LRRIQ1: variants seen among roughly 807,000 people sequenced by gnomAD.
LRRIQ1 encodes leucine-rich repeat- and IQ domain-containing protein 1.
A neutral mutation model predicts 211.9 loss-of-function variants in LRRIQ1; 210 were observed. The observed-to-expected ratio is 0.99, with a 90% CI of 0.89 to 1.11. The LOEUF is 1.11. LRRIQ1 is among the 50% of genes most tolerant of loss of function. The probability of loss-of-function intolerance (pLI) is 0.00; values close to 1 mark genes in which losing one functional copy is unlikely to be tolerated. For missense variants in LRRIQ1, 2,136 were observed against 1,939.5 expected (o/e 1.10, Z -1.90); for synonymous variants, 699 against 650.1 (o/e 1.08, Z -1.14).
At chr12:85,227,319 C>T (rs1182456919) in intron 24 of LRRIQ1, among the ~76,000 whole-genome samples, 1 of 152,010 alleles carries the variant, frequency 6.6e-6, no homozygotes, top group Non-Finnish European at 1.5e-5. Flanking sequence ...TACATGTGCA[C>T]AATGTGCAGG....
intron 8 of LRRIQ1, among the ~76,000 whole-genome samples, chr12:85,058,777 A>G (rs1234000258): frequency 6.6e-6 from 1 of 152,000 alleles, no homozygotes; most frequent in Non-Finnish European, 1.5e-5. Context: ...TTCTGATTCA[A>G]TAGGTCTGGT....
chr12:85,120,412 A>G (rs184095910), intron 15 of LRRIQ1, among the ~76,000 whole-genome samples: 3 of 152,324 alleles, frequency 2.0e-5, no homozygotes, highest in Admixed American at 1.3e-4. Context: ...CACCAATACC[A>G]TACTGTCTCT....
At chr12:85,079,349 G>A (rs999117124) in intron 11 of LRRIQ1, among the ~76,000 whole-genome samples, 7 of 150,218 alleles carry the variant, frequency 4.7e-5, no homozygotes, top group Admixed American at 6.7e-5. Flanking sequence ...AGCCTCTTGG[G>A]TAGATGGGAT....
At chr12:85,153,914 G>C (rs929660769) in intron 22 of LRRIQ1, 98 bp from the exon 23 acceptor site, 1 of 963,138 alleles carries the variant, frequency 1.0e-6, no homozygotes, top group Non-Finnish European at 1.5e-6. Flanking sequence ...ATTTATTTTA[G>C]TATGCTATAA....
At chr12:85,218,728 A>G (rs1894266821) in intron 24 of LRRIQ1, among the ~76,000 whole-genome samples, 1 of 152,060 alleles carries the variant, frequency 6.6e-6, no homozygotes, top group Non-Finnish European at 1.5e-5. Flanking sequence ...ATGGGAAAAA[A>G]TCATAAATTC....
intron 26 of LRRIQ1, among the ~76,000 whole-genome samples, chr12:85,238,226 G>GA (rs1174730596): frequency 6.6e-6 from 1 of 151,700 alleles, no homozygotes; most frequent in Non-Finnish European, 1.5e-5. Context: ...GGCAGAGAGA[G>GA]AAAAAATAAC....
chr12:85,158,770 A>T (rs540130055), intron 23 of LRRIQ1, among the ~76,000 whole-genome samples: 5 of 151,974 alleles, frequency 3.3e-5, no homozygotes, highest in Non-Finnish European at 7.4e-5. Context: ...GTTGATTACC[A>T]CAGAGGAGTA....
chr12:85,202,888 G>A (rs1893365337), intron 24 of LRRIQ1, among the ~76,000 whole-genome samples: 1 of 151,982 alleles, frequency 6.6e-6, no homozygotes, highest in African/African-American at 2.4e-5. Context: ...ACTGGCCTAT[G>A]TACTTAAGTG....
chr12:85,176,259 T>C (rs1891693333), intron 24 of LRRIQ1, among the ~76,000 whole-genome samples: 1 of 152,088 alleles, frequency 6.6e-6, no homozygotes, highest in Admixed American at 6.6e-5. Flanking sequence ...TTTGATTCTC[T>C]TTGAAGCAAT....
At chr12:85,174,952 A>T (rs1424113689) in intron 24 of LRRIQ1, among the ~76,000 whole-genome samples, 1 of 152,076 alleles carries the variant, frequency 6.6e-6, no homozygotes, top group Non-Finnish European at 1.5e-5. Flanking sequence ...CAAAAGGAAG[A>T]CCAGATCTCT....
chr12:85,056,577 A>AT lies in LRRIQ1; in HGVS notation c.1785dup (p.Gly596TrpfsTer5). The AT allele has an allele frequency of 6.3e-7, 1 of 1,598,426 alleles. No individual in the cohort carries two copies. The highest frequency in any genetic ancestry group is 1.1e-5 in the South Asian group (1 of 88,278). On this transcript the variant is annotated frameshift_variant, in exon 8 of 27. Transcript: ENST00000393217. LOFTEE classifies it high-confidence loss of function. ...GAAAAAGAAGAGATACAAGAACAGA[A>AT]TGGATTATTATATAAAGATAAGGAT...
At chr12:85,040,399 C>T in intron 2 of LRRIQ1, 91 bp from the exon 3 acceptor site, 1 of 602,998 alleles carries the variant, frequency 1.7e-6, no homozygotes, top group Non-Finnish European at 2.8e-6. Flanking sequence ...GTTTTGGTCA[C>T]ATTTTTGCTG....
intron 24 of LRRIQ1, among the ~76,000 whole-genome samples, chr12:85,203,897 G>T (rs1234579189): frequency 1.3e-5 from 2 of 152,166 alleles, no homozygotes; most frequent in South Asian, 4.1e-4. Context: ...GCAGAAATTT[G>T]CATGAGTAAC....
intron 7 of LRRIQ1, among the ~76,000 whole-genome samples, chr12:85,053,215 G>A (rs1880541317): frequency 6.6e-6 from 1 of 152,014 alleles, no homozygotes; most frequent in East Asian, 1.9e-4. Flanking sequence ...TATAAAATTT[G>A]TATCATATCT....
chr12:85,192,945 A>T (rs11116739), intron 24 of LRRIQ1, among the ~76,000 whole-genome samples: 1 of 90,288 alleles, frequency 1.1e-5, no homozygotes, highest in Non-Finnish European at 2.0e-5. Context: ...ATTATATATA[A>T]ATATATAATT....
intron 2 of LRRIQ1, among the ~76,000 whole-genome samples, chr12:85,039,599 A>G (rs1320094241): frequency 6.6e-6 from 1 of 151,674 alleles, no homozygotes; most frequent in Non-Finnish European, 1.5e-5. Flanking sequence ...CTCAAAACTA[A>G]ACACTGAATT....
At chr12:85,104,145 G>C in intron 14 of LRRIQ1, 68 bp downstream of exon 14, 2 of 801,226 alleles carry the variant, frequency 2.5e-6, no homozygotes, top group Non-Finnish European at 3.6e-6. Flanking sequence ...TATGATAAGG[G>C]GTTGTTTTAA....
intron 19 of LRRIQ1, among the ~76,000 whole-genome samples, chr12:85,142,815 G>A (rs1231422653): frequency 6.6e-6 from 1 of 151,468 alleles, no homozygotes; most frequent in African/African-American, 2.4e-5. Context: ...TCTTTTTTAT[G>A]GATGGATAAT....
intron 23 of LRRIQ1, among the ~76,000 whole-genome samples, chr12:85,155,992 A>G (rs1890523844): frequency 6.6e-6 from 1 of 151,692 alleles, no homozygotes; most frequent in South Asian, 2.1e-4. Flanking sequence ...ACAAGGGGGC[A>G]TGACAGGGTA....
Sources: gnomAD v4.1 joint callset for allele counts (sites outside exome capture counted in the v4.1 genomes callset) on GRCh38, gnomAD v4.1.1 for gene constraint, MANE v1.5 for transcripts, NCBI Gene and HGNC (gene_info 2026-07-23, HGNC 2026-07-21) for gene names.